ATP6V1G3: variants seen among roughly 807,000 people sequenced by gnomAD.
ATP6V1G3 encodes V-type proton ATPase subunit G 3.
A neutral mutation model predicts 9.3 loss-of-function variants in ATP6V1G3; 9 were observed. The observed-to-expected ratio is 0.97, with a 90% CI of 0.59 to 1.69. The LOEUF is 1.69. ATP6V1G3 is among the 40% of genes most tolerant of loss of function. The probability of loss-of-function intolerance (pLI) is 0.00; values close to 1 mark genes in which losing one functional copy is unlikely to be tolerated. For synonymous variants in ATP6V1G3, 43 were observed against 43.8 expected (o/e 0.98, Z 0.07); for missense variants, 133 against 139.0 (o/e 0.96, Z 0.22).
intron 2 of ATP6V1G3, among the ~76,000 whole-genome samples, chr1:198,524,758 T>TA (rs1230386030): frequency 6.6e-6 from 1 of 152,232 alleles, no homozygotes; most frequent in African/African-American, 2.4e-5. Context: ...TTTGTAAACT[T>TA]AGTCTTTCCT....
At chr1:198,529,034 G>A (rs1659777901) in intron 2 of ATP6V1G3, 47 bp downstream of exon 2, 1 of 873,992 alleles carries the variant, frequency 1.1e-6, no homozygotes. Context: ...TAAATATGAA[G>A]ATCTTATCTA....
At chr1:198,538,950 A>G (rs1660237946) in intron 1 of ATP6V1G3, among the ~76,000 whole-genome samples, 1 of 151,966 alleles carries the variant, frequency 6.6e-6, no homozygotes, top group African/African-American at 2.4e-5. Flanking sequence ...AAAAGGGAAA[A>G]TTCTCTATGC....
chr1:198,540,654 A>G lies in ATP6V1G3; in HGVS notation c.-4T>C, dbSNP rs763581571. Reference sequence around the variant, plus strand: ...TCCCCTGAGACTGGCTTGTCATGGTAGTCTGCTCCAAGCAAGTGGCTTCTG... The same window carrying G: ...TCCCCTGAGACTGGCTTGTCATGGTGGTCTGCTCCAAGCAAGTGGCTTCTG... On this transcript the variant is annotated 5_prime_UTR_variant, in exon 1 of 3. Transcript: ENST00000367382. The G allele has an allele frequency of 6.2e-6, 10 of 1,613,722 alleles. No homozygotes were observed. The highest frequency in any genetic ancestry group is 1.1e-5 in the South Asian group (1 of 91,080).
chr1:198,532,151 A>C (rs1444852402), intron 1 of ATP6V1G3, among the ~76,000 whole-genome samples: 1 of 152,156 alleles, frequency 6.6e-6, no homozygotes, highest in Admixed American at 6.6e-5. Context: ...TTTGCATATT[A>C]GTCATTGGGG....
At chr1:198,540,321 A>T (rs1660295394) in intron 1 of ATP6V1G3, among the ~76,000 whole-genome samples, 1 of 152,238 alleles carries the variant, frequency 6.6e-6, no homozygotes, top group Admixed American at 6.5e-5. Context: ...GCTTAAGCCC[A>T]CATCTCTATA....
In ATP6V1G3 at chr1:198,540,612, C is replaced by A. The variant is rs756361136; in HGVS notation, c.39G>T (p.Gln13His). The change falls in exon 1 of 3, where the codon CAG becomes CAT. Residue 13 changes from glutamine (Q) to histidine (H), a missense_variant. Transcript: ENST00000367382. ...SQSQGIHQLLQAEKRAKDKLE... is the reference protein window; with the variant it reads ...SQSQGIHQLLHAEKRAKDKLE... ...GCTTGTCCTTGGCCCGTTTTTCTGC[C>A]TGAAGAAGCTGGTGGATCCCCTGAG... 6.2e-7 allele frequency: 1 copy of A among 1,614,092 alleles called. No individual in the cohort carries two copies. Among genetic ancestry groups the A allele is most frequent in the African/African-American group, 1.3e-5 (1 of 75,044 alleles).
intron 1 of ATP6V1G3, among the ~76,000 whole-genome samples, chr1:198,536,969 C>G (rs551124371): frequency 1.3e-5 from 2 of 152,130 alleles, no homozygotes; most frequent in South Asian, 4.1e-4. Flanking sequence ...AAGTCTGAAA[C>G]TTGGAGATGT....
At chr1:198,530,610 G>A (rs1659859516) in intron 1 of ATP6V1G3, among the ~76,000 whole-genome samples, 1 of 152,080 alleles carries the variant, frequency 6.6e-6, no homozygotes, top group African/African-American at 2.4e-5. Flanking sequence ...TGTTGCTTGA[G>A]GCTTAATGGA....
intron 1 of ATP6V1G3, among the ~76,000 whole-genome samples, chr1:198,534,688 A>G (rs761644916): frequency 6.6e-6 from 1 of 152,178 alleles, no homozygotes; most frequent in South Asian, 2.1e-4. Context: ...ATGCATAAAC[A>G]GTTCAGAAGC....
chr1:198,531,687 C>T (rs1016985861), intron 1 of ATP6V1G3, among the ~76,000 whole-genome samples: 1 of 152,074 alleles, frequency 6.6e-6, no homozygotes, highest in African/African-American at 2.4e-5. Flanking sequence ...GTTCTAGGCT[C>T]TTTTCCCAAT....
intron 1 of ATP6V1G3, among the ~76,000 whole-genome samples, chr1:198,534,636 A>G (rs1660035386): frequency 6.6e-6 from 1 of 152,228 alleles, no homozygotes; most frequent in Non-Finnish European, 1.5e-5. Flanking sequence ...TAGTGTGGTG[A>G]AAATAGTAGG....
intron 1 of ATP6V1G3, among the ~76,000 whole-genome samples, chr1:198,537,607 G>C (rs1161334899): frequency 6.6e-6 from 1 of 152,098 alleles, no homozygotes; most frequent in Non-Finnish European, 1.5e-5. Flanking sequence ...TAATATGTCA[G>C]AATTTCAAAT....
chr1:198,526,633 T>C (rs973739865), intron 2 of ATP6V1G3, among the ~76,000 whole-genome samples: 2 of 152,140 alleles, frequency 1.3e-5, no homozygotes, highest in African/African-American at 4.8e-5. Flanking sequence ...ATTCAATATG[T>C]TTTTTTACAA....
In ATP6V1G3 at chr1:198,540,373, A is replaced by G. The variant is rs187624044; in HGVS notation, c.82+196T>C. On this transcript the variant is annotated intron_variant, in intron 1 of 2. Coordinates refer to ENST00000367382, the MANE Select transcript of ATP6V1G3 (RefSeq NM_001376861.1). ...ACACATGACCTCTCAAAAGGATCTGAATGAGGAAACTTCATCCCTGCTCTA... is the reference window on the plus strand; with the variant it reads ...ACACATGACCTCTCAAAAGGATCTGGATGAGGAAACTTCATCCCTGCTCTA... Among the ~76,000 whole-genome samples the G allele has an allele frequency of 7.5e-4, 115 of 152,324 alleles. 1 individual carries two copies. In the East Asian group the frequency reaches 0.015, roughly 20 times the overall value.
At chr1:198,536,999 T>C (rs1660139471) in intron 1 of ATP6V1G3, among the ~76,000 whole-genome samples, 1 of 152,152 alleles carries the variant, frequency 6.6e-6, no homozygotes, top group Non-Finnish European at 1.5e-5. Context: ...TTAAGAATTG[T>C]AGGTTTTCAA....
intron 2 of ATP6V1G3, among the ~76,000 whole-genome samples, chr1:198,526,971 G>T (rs1258401131): frequency 1.3e-5 from 2 of 152,070 alleles, no homozygotes; most frequent in Admixed American, 6.6e-5. Flanking sequence ...ATAGATTTTT[G>T]ATGAAGCAAT....
chr1:198,532,542 A>G (rs1172596116), intron 1 of ATP6V1G3, among the ~76,000 whole-genome samples: 1 of 152,242 alleles, frequency 6.6e-6, no homozygotes, highest in Non-Finnish European at 1.5e-5. Flanking sequence ...GGAGATAAAA[A>G]TAGAAAATGG....
At chr1:198,528,986 G>A in intron 2 of ATP6V1G3, 95 bp downstream of exon 2, 4 of 478,236 alleles carry the variant, frequency 8.4e-6, no homozygotes, top group South Asian at 4.8e-5. Context: ...CTCAATTGCA[G>A]CATATTTTTT....
chr1:198,539,541 A>T (rs1660261743), intron 1 of ATP6V1G3, among the ~76,000 whole-genome samples: 1 of 152,030 alleles, frequency 6.6e-6, no homozygotes, highest in South Asian at 2.1e-4. Flanking sequence ...GATCTGAGAC[A>T]TATTAATTTT....
Sources: gnomAD v4.1 joint callset for allele counts (sites outside exome capture counted in the v4.1 genomes callset) on GRCh38, gnomAD v4.1.1 for gene constraint, MANE v1.5 for transcripts, NCBI Gene and HGNC (gene_info 2026-07-23, HGNC 2026-07-21) for gene names.